ALX4: variants seen among roughly 807,000 people sequenced by gnomAD.
The protein encoded by ALX4 is homeobox protein aristaless-like 4.
Under a neutral mutation model 40.6 loss-of-function variants are expected in ALX4, and 22 were observed. That is an observed-to-expected ratio of 0.54 (90% CI 0.39 to 0.77). ALX4 has a LOEUF of 0.77. Ranked by LOEUF, ALX4 falls within the 30% of genes least tolerant of loss-of-function variation. The pLI is 0.00. For missense variants in ALX4, 556 were observed against 564.8 expected, an observed-to-expected ratio of 0.98 and a Z score of 0.16; for synonymous variants, 266 against 240.5, an observed-to-expected ratio of 1.11 and a Z score of -0.98.
At position 44,310,066 on chromosome 11, in the gene ALX4, T is replaced by C. The variant is rs758130420; in HGVS notation, c.-4A>G. ...AGACGCAAGTCTCAGCATTCATGCCTGGCTTGCGCAGGCGGCGGGCGGGGA... is the reference window on the plus strand; with the variant it reads ...AGACGCAAGTCTCAGCATTCATGCCCGGCTTGCGCAGGCGGCGGGCGGGGA... On this transcript the variant is annotated 5_prime_UTR_variant, in exon 1 of 4. Coordinates refer to ENST00000652299, the MANE Select transcript of ALX4 (RefSeq NM_021926.4). The C allele has an allele frequency of 7.0e-6, 11 of 1,579,754 alleles. No homozygotes were observed. The highest frequency in any genetic ancestry group is 9.5e-6 in the Non-Finnish European group (11 of 1,160,926).
At chr11:44,294,080 A>G (rs1024525171) in intron 1 of ALX4, among the ~76,000 whole-genome samples, 1 of 152,252 alleles carries the variant, frequency 6.6e-6, no homozygotes, top group African/African-American at 2.4e-5. Flanking sequence ...GAGGGCATCC[A>G]GGCAGTGGGC....
intron 1 of ALX4, 55 bp from the exon 2 acceptor site, chr11:44,275,713 G>A (rs1956274220): frequency 1.3e-6 from 2 of 1,558,894 alleles, no homozygotes; most frequent in South Asian, 1.2e-5. Context: ...ACAAGAGAAG[G>A]GGAATGTCAG....
intron 1 of ALX4, among the ~76,000 whole-genome samples, chr11:44,300,848 A>T (rs565263013): frequency 6.6e-6 from 1 of 152,294 alleles, no homozygotes; most frequent in East Asian, 1.9e-4. Context: ...GAGAAAACTC[A>T]TTGGCCTGGA....
At chr11:44,305,163 A>C (rs1186834363) in intron 1 of ALX4, among the ~76,000 whole-genome samples, 1 of 152,252 alleles carries the variant, frequency 6.6e-6, no homozygotes, top group Admixed American at 6.5e-5. Context: ...CGTCCTAACT[A>C]ACAGTGTACA....
intron 1 of ALX4, among the ~76,000 whole-genome samples, chr11:44,280,553 C>T (rs1956303811): frequency 6.6e-6 from 1 of 152,198 alleles, no homozygotes; most frequent in Non-Finnish European, 1.5e-5. Context: ...ATGCTGATGC[C>T]CCTCCCATGA....
intron 1 of ALX4, among the ~76,000 whole-genome samples, chr11:44,276,994 A>G (rs1956281869): frequency 6.6e-6 from 1 of 152,106 alleles, no homozygotes; most frequent in Non-Finnish European, 1.5e-5. Context: ...GGTTTAGGTC[A>G]TGGACTCTTG....
At chr11:44,273,944 C>A (rs113363723) in intron 2 of ALX4, among the ~76,000 whole-genome samples, 1 of 151,936 alleles carries the variant, frequency 6.6e-6, no homozygotes, top group African/African-American at 2.4e-5. Flanking sequence ...CAGAGAGAGA[C>A]CCAGTCTCTT....
Position 44,309,846 on chromosome 11 carries a change from G to A in ALX4, c.217C>T (p.Leu73=), listed in dbSNP as rs766525768. 7.0e-5 allele frequency: 109 copies of A among 1,558,184 alleles called. 1 individual carries two copies. In the East Asian group the frequency reaches 2.3e-3, roughly 32 times the overall value. Residue 73 remains leucine (L), a synonymous_variant, in exon 1 of 4, where the codon CTG becomes TTG. Transcript: ENST00000652299. ...GCTCCACTCTCCAGGGGTGTCGCCA[G>A]GTCCTGCTGCCCAGCGCCGTAACGG... The part of the protein sequence containing the change: ...RARYGAGQQD[L]ATPLESGAGA...
At chr11:44,290,537 C>G (rs1476760953) in intron 1 of ALX4, among the ~76,000 whole-genome samples, 1 of 152,222 alleles carries the variant, frequency 6.6e-6, no homozygotes, top group Admixed American at 6.5e-5. Context: ...GCAGGGGCAC[C>G]TAGCCCAGCC....
intron 1 of ALX4, among the ~76,000 whole-genome samples, chr11:44,294,509 G>A (rs956044757): frequency 2.6e-5 from 4 of 152,222 alleles, no homozygotes; most frequent in Non-Finnish European, 4.4e-5. Context: ...GCAGCCTATG[G>A]GGAGGAGGGG....
At chr11:44,294,151 T>G (rs1243754504) in intron 1 of ALX4, among the ~76,000 whole-genome samples, 1 of 152,178 alleles carries the variant, frequency 6.6e-6, no homozygotes, top group Non-Finnish European at 1.5e-5. Context: ...TGGGTTCAAT[T>G]CACAGCGGGA....
At chr11:44,298,292 T>C (rs1455041485) in intron 1 of ALX4, among the ~76,000 whole-genome samples, 1 of 151,906 alleles carries the variant, frequency 6.6e-6, no homozygotes, top group African/African-American at 2.4e-5. Context: ...TATGCCGGGG[T>C]GGGACGGGTG....
rs1299365027 is a variant in ALX4, at chr11:44,265,684, G to A, written c.907-501C>T. Among the ~76,000 whole-genome samples the A allele has an allele frequency of 3.9e-5, 6 of 152,224 alleles. No homozygotes were observed. The South Asian group carries it at 6.2e-4, about 16-fold the overall frequency. On this transcript the variant is annotated intron_variant, in intron 3 of 3. Coordinates refer to ENST00000652299, the MANE Select transcript of ALX4 (RefSeq NM_021926.4). Reference sequence around the variant, plus strand: ...GATGGAGGGGTTGGGTGAGGTGGGCGGCAGGGACCTAAACCTCTCAGAAAC... The same window carrying A: ...GATGGAGGGGTTGGGTGAGGTGGGCAGCAGGGACCTAAACCTCTCAGAAAC...
rs144492221 is a variant in ALX4, at chr11:44,304,849, C to T, written c.466+4748G>A. On this transcript the variant is annotated intron_variant, in intron 1 of 3. Transcript: ENST00000652299. ...TAGGGCGTTTTAATCTGTTTTCCTA[C>T]TGCGTGCCGGCGTCGCAGCGCGTGC... is the stretch of plus-strand genomic sequence containing the variant. Among the ~76,000 whole-genome samples the T allele has an allele frequency of 8.3e-3, 1,265 of 152,330 alleles. 19 individuals carry two copies. In the South Asian group the frequency reaches 0.09, roughly 11 times the overall value.
chr11:44,308,303 T>C (rs1008714416), intron 1 of ALX4, among the ~76,000 whole-genome samples: 4 of 152,220 alleles, frequency 2.6e-5, no homozygotes, highest in African/African-American at 9.6e-5. Context: ...GGAACCTGAA[T>C]ACGAGAAAAT....
intron 1 of ALX4, among the ~76,000 whole-genome samples, chr11:44,304,701 A>C (rs554593887): frequency 6.6e-6 from 1 of 152,332 alleles, no homozygotes; most frequent in South Asian, 2.1e-4. Context: ...TGCCACCAAA[A>C]CAAAGCTGCG....
rs114644265 is a variant in ALX4, at chr11:44,268,883, C to T, written c.778-1261G>A. On this transcript the variant is annotated intron_variant, in intron 2 of 3. Transcript: ENST00000652299. ...GCAAGTGGGCACACCTCAGACAGCACGCTGCAGACCGGGAGAACAGAGCCA... is the reference window on the plus strand; with the variant it reads ...GCAAGTGGGCACACCTCAGACAGCATGCTGCAGACCGGGAGAACAGAGCCA... Among the ~76,000 whole-genome samples the T allele has an allele frequency of 2.6e-3, 396 of 152,318 alleles. 2 individuals carry two copies. Among genetic ancestry groups the T allele is most frequent in the African/African-American group, 9.0e-3 (373 of 41,574 alleles).
At chr11:44,293,848 TG>T (rs1446156792) in intron 1 of ALX4, among the ~76,000 whole-genome samples, 2 of 152,194 alleles carry the variant, frequency 1.3e-5, no homozygotes, top group African/African-American at 4.8e-5. Flanking sequence ...ACATATCACA[TG>T]GGGGTCCTGG....
In ALX4 at chr11:44,265,143, G is replaced by A. The variant is rs752640074; in HGVS notation, c.947C>T (p.Ser316Leu). Residue 316 changes from serine to leucine, a missense_variant, in exon 4 of 4, where the codon TCA (serine) becomes TTA (leucine). Physicochemically the swap from Ser to Leu is moderately radical, Grantham distance 145 (BLOSUM62 -2). Coordinates refer to ENST00000652299, the MANE Select transcript of ALX4 (RefSeq NM_021926.4). ...GGGGACCACGCAGGCTGGCACTGGT[G>A]AGGCAGCCCCGTTGTTGCCGAGCCA... is the stretch of plus-strand genomic sequence containing the variant. ...PSWLGNNGAASPVPACVVPCD... is the reference protein window; with the variant it reads ...PSWLGNNGAALPVPACVVPCD... 6.2e-7 allele frequency: 1 copy of A among 1,607,332 alleles called. No homozygotes were observed. The highest frequency in any genetic ancestry group is 8.5e-7 in the Non-Finnish European group (1 of 1,175,884).
Sources: allele counts gnomAD v4.1 joint callset (sites outside exome capture counted in the v4.1 genomes callset), GRCh38; gene constraint gnomAD v4.1.1; transcripts MANE v1.5; gene names NCBI Gene and HGNC (gene_info 2026-07-23, HGNC 2026-07-21).